Variants in XPR1 observed in about 807,000 individuals in gnomAD.
XPR1 encodes the protein xenotropic and polytropic retrovirus receptor 1.
In XPR1, 28 loss-of-function variants were observed where a neutral mutation model predicts 87.5. The ratio of observed to expected loss-of-function variants is 0.32; its 90% CI spans 0.24 to 0.44. The LOEUF is 0.44. Among genes scored for constraint, XPR1 ranks in the 20% least tolerant of loss-of-function variants. XPR1 has a pLI of 1.00. For synonymous variants in XPR1, 300 were observed against 306.1 expected (o/e 0.98, Z 0.21); for missense variants, 559 against 862.3 (o/e 0.65, Z 4.41).
intron 2 of XPR1, among the ~76,000 whole-genome samples, chr1:180,759,387 A>G (rs1316917822): frequency 6.6e-6 from 1 of 152,212 alleles, no homozygotes; most frequent in African/African-American, 2.4e-5. Context: ...TAAAGAAGAA[A>G]AGAGAGAAGA....
chr1:180,820,710 C>A (rs977956674), intron 7 of XPR1, among the ~76,000 whole-genome samples: 2 of 152,172 alleles, frequency 1.3e-5, no homozygotes, highest in Non-Finnish European at 2.9e-5. Flanking sequence ...TTCTGCACAT[C>A]CTTGCCAACA....
chr1:180,796,734 T>C (rs543794750), intron 3 of XPR1, among the ~76,000 whole-genome samples: 2 of 152,278 alleles, frequency 1.3e-5, no homozygotes, highest in African/African-American at 4.8e-5. Flanking sequence ...ACTGAAGATA[T>C]TTAAACAAAA....
At chr1:180,680,611 C>G (rs928480397) in intron 1 of XPR1, among the ~76,000 whole-genome samples, 1 of 152,116 alleles carries the variant, frequency 6.6e-6, no homozygotes. Context: ...GATCCGCTCT[C>G]CTCGGCCTCC....
intron 7 of XPR1, among the ~76,000 whole-genome samples, chr1:180,812,160 C>G (rs74472603): frequency 0.017 from 2,553 of 152,254 alleles, 78 homozygotes; most frequent in African/African-American, 0.056. Flanking sequence ...CCACACTCTG[C>G]TGGTTTTCCT....
At chr1:180,809,213 T>C (rs986522166) in intron 6 of XPR1, among the ~76,000 whole-genome samples, 2 of 151,950 alleles carry the variant, frequency 1.3e-5, no homozygotes, top group African/African-American at 4.8e-5. Context: ...TGCAAACTAA[T>C]AAATAGTGAC....
intron 2 of XPR1, among the ~76,000 whole-genome samples, chr1:180,691,130 G>T (rs1276236969): frequency 1.3e-5 from 2 of 151,970 alleles, no homozygotes; most frequent in African/African-American, 4.8e-5. Flanking sequence ...AATTTTAAAG[G>T]TTTTTTGTTT....
rs1652156422 is a variant in XPR1 at position 180,859,683 on chromosome 1, A to G, written c.1502-4025A>G. ...ATTGTTTGAAGAAGTTCATCAGATA[A>G]AATATTACTTACTCTGAAATATTCT... On this transcript the variant is annotated intron_variant, in intron 11 of 14. Transcript: ENST00000367590. Among the ~76,000 whole-genome samples the G allele has an allele frequency of 2.0e-5, 3 of 152,154 alleles. No individual in the cohort carries two copies. The South Asian group carries it at 6.2e-4, about 32-fold the overall frequency.
At chr1:180,872,832 G>C (rs1042974816) in intron 12 of XPR1, among the ~76,000 whole-genome samples, 27 of 151,952 alleles carry the variant, frequency 1.8e-4, no homozygotes, top group Non-Finnish European at 3.5e-4. Flanking sequence ...CGGCCATCTT[G>C]GCTCCTCCCC....
In XPR1 at chr1:180,745,595, G is replaced by A. The variant is rs532296588; in HGVS notation, c.122-42158G>A. 1.4e-3 allele frequency among the ~76,000 whole-genome samples: 212 copies of A among 152,278 alleles called. 1 individual carries two copies. The highest frequency in any genetic ancestry group is 2.0e-3 in the African/African-American group (84 of 41,576). Reference sequence around the variant, plus strand: ...AAGAGAATGGATAAAAGAAGAAAAGGGGGGGATGTTTCCTCAGTGAATGTT... The same window carrying A: ...AAGAGAATGGATAAAAGAAGAAAAGAGGGGGATGTTTCCTCAGTGAATGTT... On this transcript the variant is annotated intron_variant, in intron 2 of 14. Coordinates refer to ENST00000367590, the MANE Select transcript of XPR1 (RefSeq NM_004736.4).
intron 1 of XPR1, among the ~76,000 whole-genome samples, chr1:180,673,312 G>A (rs1656248749): frequency 6.6e-6 from 1 of 152,044 alleles, no homozygotes; most frequent in Non-Finnish European, 1.5e-5. Context: ...CAAAATTTAA[G>A]TAATTTTTTA....
At chr1:180,774,804 CA>C (rs1334956739) in intron 2 of XPR1, among the ~76,000 whole-genome samples, 1 of 152,070 alleles carries the variant, frequency 6.6e-6, no homozygotes, top group Admixed American at 6.6e-5. Context: ...TCTGCTATAA[CA>C]AAATACTTTA....
At chr1:180,787,286 G>GT (rs113585092) in intron 2 of XPR1, among the ~76,000 whole-genome samples, 35,002 of 146,254 alleles carry the variant, frequency 0.24, 4,101 homozygotes, top group Middle Eastern at 0.29. Flanking sequence ...GGTTTTTTTT[G>GT]TTTTTTTTTT....
chr1:180,806,943 G>GTGAT (rs2102124005), intron 6 of XPR1, among the ~76,000 whole-genome samples: 1 of 152,174 alleles, frequency 6.6e-6, no homozygotes, highest in South Asian at 2.1e-4. Flanking sequence ...AATTTATTAA[G>GTGAT]TGATATCTTC....
chr1:180,756,441 G>T, intron 2 of XPR1, among the ~76,000 whole-genome samples: 1 of 151,858 alleles, frequency 6.6e-6, no homozygotes, highest in African/African-American at 2.4e-5. Context: ...TTTCTTCTTT[G>T]GGATAAGTCT....
Position 180,741,959 on chromosome 1 carries a change from C to G in XPR1, c.122-45794C>G, listed in dbSNP as rs543221944. On this transcript the variant is annotated intron_variant, in intron 2 of 14. Coordinates refer to ENST00000367590, the MANE Select transcript of XPR1 (RefSeq NM_004736.4). ...GAGTTGTTTGTAGTTTTCTCAGTAT[C>G]CTTGAATGTCTGCAATGTCTGTAGT... 1.7e-4 allele frequency among the ~76,000 whole-genome samples: 26 copies of G among 152,142 alleles called. No homozygotes were observed. In the South Asian group the frequency reaches 5.2e-3, roughly 30 times the overall value.
At chr1:180,784,128 T>A (rs1037423125) in intron 2 of XPR1, among the ~76,000 whole-genome samples, 2 of 152,038 alleles carry the variant, frequency 1.3e-5, no homozygotes, top group African/African-American at 4.8e-5. Context: ...AGAATACATT[T>A]CCTACATGTG....
At chr1:180,853,221 A>G (rs976400330) in intron 11 of XPR1, among the ~76,000 whole-genome samples, 1 of 152,124 alleles carries the variant, frequency 6.6e-6, no homozygotes, top group African/African-American at 2.4e-5. Flanking sequence ...AGCCACTGCC[A>G]CTGCGCCTGG....
intron 3 of XPR1, among the ~76,000 whole-genome samples, chr1:180,800,701 G>C (rs1481077630): frequency 1.3e-5 from 2 of 152,190 alleles, no homozygotes; most frequent in Non-Finnish European, 2.9e-5. Context: ...AGTAATCTTT[G>C]CAAAGTCTGG....
chr1:180,657,506 G>A (rs563283851), intron 1 of XPR1, among the ~76,000 whole-genome samples: 1 of 152,152 alleles, frequency 6.6e-6, no homozygotes, highest in Admixed American at 6.5e-5. Flanking sequence ...TCTTCTGCAT[G>A]GGTATATCCA....
Sources: gnomAD v4.1 joint callset for allele counts (sites outside exome capture counted in the v4.1 genomes callset) on GRCh38, gnomAD v4.1.1 for gene constraint, MANE v1.5 for transcripts, NCBI Gene and HGNC (gene_info 2026-07-23, HGNC 2026-07-21) for gene names.